The following ERC2 variants were observed in gnomAD, a reference collection of about 807,000 sequenced individuals.
ERC2 encodes the protein ELKS/RAB6-interacting/CAST family member 2.
Under a neutral mutation model 114.8 loss-of-function variants are expected in ERC2, and 42 were observed. That is an observed-to-expected ratio of 0.37 (90% CI 0.29 to 0.47). The LOEUF (loss-of-function observed/expected upper bound fraction) is 0.47. Among genes scored for constraint, ERC2 ranks in the 20% least tolerant of loss-of-function variants. The pLI is 0.99. For synonymous variants in ERC2, 454 were observed against 425.5 expected (o/e 1.07, Z -0.82); for missense variants, 939 against 1,150.7 (o/e 0.82, Z 2.66).
At chr3:55,617,771 C>T (rs2059180481) in intron 17 of ERC2, among the ~76,000 whole-genome samples, 3 of 152,170 alleles carry the variant, frequency 2.0e-5, no homozygotes, top group Admixed American at 2.0e-4. Context: ...CCAAGAAGTT[C>T]CACATTCAAA....
At chr3:56,108,641 A>G (rs183430540) in intron 6 of ERC2, among the ~76,000 whole-genome samples, 4 of 152,258 alleles carry the variant, frequency 2.6e-5, no homozygotes, top group Admixed American at 2.6e-4. Flanking sequence ...AAACTAATCA[A>G]TTCTCCCTAA....
chr3:56,377,688 T>C (rs527943831), intron 2 of ERC2, among the ~76,000 whole-genome samples: 14 of 152,304 alleles, frequency 9.2e-5, no homozygotes, highest in African/African-American at 3.1e-4. Flanking sequence ...TGAGATTCTT[T>C]GGATTGTGCG....
At chr3:55,930,755 G>A (rs2066030981) in intron 13 of ERC2, among the ~76,000 whole-genome samples, 1 of 152,014 alleles carries the variant, frequency 6.6e-6, no homozygotes, top group Non-Finnish European at 1.5e-5. Context: ...TTGACAAATG[G>A]GATCTAATTA....
intron 14 of ERC2, among the ~76,000 whole-genome samples, chr3:55,850,312 G>C (rs1049594654): frequency 6.6e-6 from 1 of 152,162 alleles, no homozygotes; most frequent in African/African-American, 2.4e-5. Flanking sequence ...GTTCCAGGTG[G>C]ACATATCTTT....
chr3:55,834,749 A>G (rs1299402347), intron 14 of ERC2, among the ~76,000 whole-genome samples: 3 of 134,016 alleles, frequency 2.2e-5, no homozygotes, highest in African/African-American at 1.0e-4. Flanking sequence ...AAGGCAAGAA[A>G]TAACTAAACT....
At chr3:55,669,669 G>A (rs2061483036) in intron 17 of ERC2, among the ~76,000 whole-genome samples, 1 of 152,210 alleles carries the variant, frequency 6.6e-6, no homozygotes, top group Non-Finnish European at 1.5e-5. Flanking sequence ...ACTGTGGATG[G>A]AGGGCTTTTG....
chr3:55,862,926 C>T (rs1446970967), intron 14 of ERC2, among the ~76,000 whole-genome samples: 1 of 152,130 alleles, frequency 6.6e-6, no homozygotes, highest in African/African-American at 2.4e-5. Context: ...AAAGAAAAGA[C>T]ATTACTGGAG....
chr3:56,444,884 T>G (rs749897822), intron 1 of ERC2, among the ~76,000 whole-genome samples: 4 of 152,216 alleles, frequency 2.6e-5, no homozygotes, highest in Non-Finnish European at 5.9e-5. Flanking sequence ...TCCAAAATTC[T>G]GTGTCACAGA....
intron 3 of ERC2, among the ~76,000 whole-genome samples, chr3:56,190,135 G>A (rs1575752463): frequency 6.6e-6 from 1 of 152,224 alleles, no homozygotes; most frequent in East Asian, 1.9e-4. Flanking sequence ...TGGAATTAGG[G>A]ATGGTAGAAT....
At chr3:55,634,967 C>T (rs144598782) in intron 17 of ERC2, among the ~76,000 whole-genome samples, 15,117 of 151,774 alleles carry the variant, frequency 0.1, 1,107 homozygotes, top group African/African-American at 0.2. Flanking sequence ...CTGCAACCTC[C>T]GCCTACTGGG....
intron 17 of ERC2, among the ~76,000 whole-genome samples, chr3:55,582,143 A>G (rs944358770): frequency 1.3e-5 from 2 of 152,114 alleles, no homozygotes; most frequent in Non-Finnish European, 2.9e-5. Flanking sequence ...ATAGGAAGCA[A>G]TTCCTCGTGG....
At chr3:55,656,089 T>C (rs1424162070) in intron 17 of ERC2, among the ~76,000 whole-genome samples, 1 of 147,564 alleles carries the variant, frequency 6.8e-6, no homozygotes, top group African/African-American at 2.5e-5. Flanking sequence ...GGTATATCCA[T>C]GGAATGCACT....
chr3:56,107,098 C>G (rs1463159660), intron 6 of ERC2, among the ~76,000 whole-genome samples: 2 of 152,000 alleles, frequency 1.3e-5, no homozygotes, highest in East Asian at 3.9e-4. Context: ...GCTGATGGCC[C>G]TGGCATCTTC....
chr3:55,764,338 TCTC>T (rs1317520577), intron 14 of ERC2, among the ~76,000 whole-genome samples: 8 of 152,326 alleles, frequency 5.3e-5, no homozygotes, highest in African/African-American at 1.9e-4. Context: ...TAGGCCATTC[TCTC>T]CTCCTCTTAG....
chr3:55,972,417 T>C (rs776917329), intron 12 of ERC2, among the ~76,000 whole-genome samples: 4 of 152,172 alleles, frequency 2.6e-5, no homozygotes, highest in Non-Finnish European at 5.9e-5. Flanking sequence ...CCTAATGCTC[T>C]CCCTTCCCTT....
intron 1 of ERC2, among the ~76,000 whole-genome samples, chr3:56,436,816 T>A (rs979780290): frequency 3.9e-5 from 6 of 152,146 alleles, no homozygotes; most frequent in African/African-American, 1.4e-4. Context: ...TACTTCAATG[T>A]GGAAAGGGCC....
At chr3:55,796,587 A>T (rs533881464) in intron 14 of ERC2, among the ~76,000 whole-genome samples, 2 of 152,104 alleles carry the variant, frequency 1.3e-5, no homozygotes, top group Non-Finnish European at 2.9e-5. Flanking sequence ...CACTACGCCC[A>T]GCTAACTTTT....
intron 3 of ERC2, among the ~76,000 whole-genome samples, chr3:56,208,589 G>A (rs553509571): frequency 6.6e-6 from 1 of 152,188 alleles, no homozygotes; most frequent in Non-Finnish European, 1.5e-5. Flanking sequence ...AAAATAAGTA[G>A]CAATTCCTGA....
intron 7 of ERC2, among the ~76,000 whole-genome samples, chr3:56,059,732 A>G (rs562599794): frequency 1.3e-5 from 2 of 152,342 alleles, no homozygotes; most frequent in East Asian, 1.9e-4. Context: ...CTGTGCTTCA[A>G]TAGAAAATAA....
Sources: gnomAD v4.1 joint callset for allele counts (sites outside exome capture counted in the v4.1 genomes callset) on GRCh38, gnomAD v4.1.1 for gene constraint, MANE v1.5 for transcripts, NCBI Gene and HGNC (gene_info 2026-07-23, HGNC 2026-07-21) for gene names.